Variants in ABLIM1 observed in about 807,000 individuals in gnomAD.
ABLIM1 encodes actin-binding LIM protein 1.
Under a neutral mutation model 107.0 loss-of-function variants are expected in ABLIM1, and 40 were observed. That is an observed-to-expected ratio of 0.37 (90% CI 0.29 to 0.49). The LOEUF (loss-of-function observed/expected upper bound fraction) is 0.49. ABLIM1 is among the 20% of genes least tolerant of loss of function. ABLIM1 has a pLI of 0.97. For missense variants in ABLIM1, 857 were observed against 1,008.5 expected (o/e 0.85, Z 2.04); for synonymous variants, 357 against 357.3 (o/e 1.00, Z 0.01).
chr10:114,652,316 T>C (rs561345560), intron 1 of ABLIM1, among the ~76,000 whole-genome samples: 1 of 152,270 alleles, frequency 6.6e-6, no homozygotes, highest in East Asian at 1.9e-4. Context: ...TGCGGATTAG[T>C]GAATGGGGTA....
intron 6 of ABLIM1, among the ~76,000 whole-genome samples, chr10:114,503,013 T>C (rs1434567313): frequency 2.6e-5 from 4 of 152,214 alleles, no homozygotes; most frequent in Non-Finnish European, 4.4e-5. Flanking sequence ...GAAGCAAATA[T>C]GTCTGACTTC....
chr10:114,539,807 T>A lies in ABLIM1; in HGVS notation c.894+5198A>T, dbSNP rs115026772. ...GAGATGCCCCACTCCCCCATGACATTAGTGACCTAGGTCTGAAGTCTCTTC... is the reference window on the plus strand; with the variant it reads ...GAGATGCCCCACTCCCCCATGACATAAGTGACCTAGGTCTGAAGTCTCTTC... On this transcript the variant is annotated intron_variant, in intron 6 of 22. Coordinates refer to ENST00000533213, the MANE Select transcript of ABLIM1 (RefSeq NM_002313.7). Among the ~76,000 whole-genome samples, 791 of 151,984 alleles carry A rather than the reference T, an allele frequency of 5.2e-3. 5 individuals carry two copies. The highest frequency in any genetic ancestry group is 0.018 in the African/African-American group (735 of 41,436).
chr10:114,664,112 TTTTTTGAGATG>T (rs1239741659), intron 1 of ABLIM1, among the ~76,000 whole-genome samples: 1 of 152,220 alleles, frequency 6.6e-6, no homozygotes, highest in Non-Finnish European at 1.5e-5. Flanking sequence ...ACTGGCTTCC[TTTTTTGAGATG>T]TTTCACCTGT....
chr10:114,436,885 T>C (rs911164151), intron 22 of ABLIM1, among the ~76,000 whole-genome samples: 1 of 152,166 alleles, frequency 6.6e-6, no homozygotes, highest in African/African-American at 2.4e-5. Flanking sequence ...TTATTCTCTG[T>C]ACCTCTACGC....
At chr10:114,488,070 C>T in intron 7 of ABLIM1, 54 bp from the exon 8 acceptor site, 2 of 1,579,186 alleles carry the variant, frequency 1.3e-6, no homozygotes, top group Non-Finnish European at 1.7e-6. Flanking sequence ...GATACAAAGT[C>T]CTCTGAGACA....
chr10:114,547,849 C>T (rs2067553072), intron 4 of ABLIM1, 73 bp from the exon 5 acceptor site: 1 of 1,564,100 alleles, frequency 6.4e-7, no homozygotes, highest in Admixed American at 1.7e-5. Context: ...CCAATTTCAA[C>T]CCCACTGTGT....
intron 2 of ABLIM1, among the ~76,000 whole-genome samples, chr10:114,584,512 C>G (rs889665442): frequency 6.6e-6 from 1 of 152,002 alleles, no homozygotes; most frequent in Non-Finnish European, 1.5e-5. Flanking sequence ...GCTGAAAGTA[C>G]CACACACGGC....
Position 114,571,523 on chromosome 10 carries a change from C to T in ABLIM1, c.564-117G>A, listed in dbSNP as rs1483004168. ...TATTTCTTGGAGAAGCAGCAGCCAA[C>T]ATGTCTGAAATGCAGTCATAACCAA... is the stretch of plus-strand genomic sequence containing the variant. On this transcript the variant is annotated intron_variant, in intron 3 of 22. Coordinates refer to ENST00000533213, the MANE Select transcript of ABLIM1 (RefSeq NM_002313.7). The T allele has an allele frequency of 2.4e-5, 24 of 996,180 alleles. No homozygotes were observed. In the African/African-American group the frequency reaches 3.6e-4, roughly 15 times the overall value. 61.7% of individuals were successfully genotyped at this position (996,180 alleles called of 1,614,324 possible).
Position 114,753,914 on chromosome 10 carries a change from C to T in ABLIM1, c.-213+14147G>A, listed in dbSNP as rs1172373793. On this transcript the variant is annotated intron_variant, in intron 1 of 15. Transcript: ENST00000651092. ...TCGCCCAGGCTGGATTGCAATGGCA[C>T]AATCTTGGCTCACTGCAACCTCCAC... is the stretch of plus-strand genomic sequence containing the variant. Among the ~76,000 whole-genome samples, 3 of 152,298 alleles carry T rather than the reference C, an allele frequency of 2.0e-5. No individual in the cohort carries two copies. The East Asian group carries it at 5.8e-4, about 29-fold the overall frequency.
intron 1 of ABLIM1, among the ~76,000 whole-genome samples, chr10:114,652,826 C>A (rs2079314424): frequency 6.6e-6 from 1 of 152,194 alleles, no homozygotes; most frequent in Non-Finnish European, 1.5e-5. Flanking sequence ...TCAAAAACTT[C>A]ACTCTAATTT....
intron 4 of ABLIM1, among the ~76,000 whole-genome samples, chr10:114,556,388 A>G (rs1270782590): frequency 1.3e-5 from 2 of 152,150 alleles, no homozygotes; most frequent in African/African-American, 4.8e-5. Flanking sequence ...ACACGTGGTG[A>G]CTGCTCACTT....
upstream of ABLIM1, among the ~76,000 whole-genome samples, chr10:114,685,661 G>GAAA: frequency 6.6e-6 from 1 of 152,278 alleles, no homozygotes; most frequent in East Asian, 1.9e-4. Flanking sequence ...AATCACAACT[G>GAAA]GATTGCTCGT....
At chr10:114,602,662 A>T (rs532185565) in intron 1 of ABLIM1, among the ~76,000 whole-genome samples, 12 of 152,348 alleles carry the variant, frequency 7.9e-5, no homozygotes, top group African/African-American at 2.6e-4. Flanking sequence ...AACAACATGG[A>T]TCTCTCTGAA....
At chr10:114,639,961 C>A (rs960605282) in intron 1 of ABLIM1, among the ~76,000 whole-genome samples, 5 of 152,180 alleles carry the variant, frequency 3.3e-5, no homozygotes, top group Non-Finnish European at 7.3e-5. Context: ...ATAACTGAGT[C>A]ACATTCCACT....
chr10:114,633,615 A>G lies in ABLIM1; in HGVS notation c.244+24342T>C, dbSNP rs1353671086. Among the ~76,000 whole-genome samples, 4 of 152,120 alleles carry G rather than the reference A, an allele frequency of 2.6e-5. No homozygotes were observed. In the East Asian group the frequency reaches 7.7e-4, roughly 29 times the overall value. On this transcript the variant is annotated intron_variant, in intron 1 of 22. Transcript: ENST00000533213. ...GCCAGCTGGAGTGTAAGCACTGAAG[A>G]GCGTTTAAGCGACTTCTCTAACCTC... is the stretch of plus-strand genomic sequence containing the variant.
At chr10:114,718,099 G>GGA (rs1489099721) in intron 1 of ABLIM1, among the ~76,000 whole-genome samples, 3 of 30,874 alleles carry the variant, frequency 9.7e-5, no homozygotes, top group African/African-American at 2.7e-4. Context: ...GGAAGGAAAA[G>GGA]AAAAAGAAAA....
intron 4 of ABLIM1, among the ~76,000 whole-genome samples, chr10:114,561,327 C>G (rs1457196000): frequency 6.6e-6 from 1 of 152,224 alleles, no homozygotes; most frequent in African/African-American, 2.4e-5. Context: ...GTACTTTCAT[C>G]ACGTGACCTG....
intron 1 of ABLIM1, among the ~76,000 whole-genome samples, chr10:114,706,487 T>A (rs934345943): frequency 2.6e-5 from 4 of 152,204 alleles, no homozygotes; most frequent in African/African-American, 7.2e-5. Flanking sequence ...AACAAATTAA[T>A]GCACAGTCCA....
At chr10:114,444,722 T>C (rs926030149) in intron 16 of ABLIM1, among the ~76,000 whole-genome samples, 9 of 152,180 alleles carry the variant, frequency 5.9e-5, no homozygotes, top group Non-Finnish European at 1.5e-5. Flanking sequence ...ATTTCCTATA[T>C]GCTTAGAAAA....
Sources: gnomAD v4.1 joint callset for allele counts (sites outside exome capture counted in the v4.1 genomes callset) on GRCh38, gnomAD v4.1.1 for gene constraint, MANE v1.5 for transcripts, NCBI Gene and HGNC (gene_info 2026-07-23, HGNC 2026-07-21) for gene names.